The following UGT1A10 variants were observed in gnomAD, a reference collection of about 807,000 sequenced individuals.
UGT1A10 encodes the protein UDP-glucuronosyltransferase 1A10.
A neutral mutation model predicts 45.8 loss-of-function variants in UGT1A10; 49 were observed. That is an observed-to-expected ratio of 1.07 (90% CI 0.85 to 1.36). The LOEUF (loss-of-function observed/expected upper bound fraction) is 1.36, where lower values mean the gene tolerates loss of function less well. UGT1A10 is among the 40% of genes most tolerant of loss of function. The probability of loss-of-function intolerance (pLI) is 0.00; values close to 1 mark genes in which losing one functional copy is unlikely to be tolerated. For synonymous variants in UGT1A10, 284 were observed against 249.7 expected, an observed-to-expected ratio of 1.14 and a Z score of -1.29; for missense variants, 745 against 668.6, an observed-to-expected ratio of 1.11 and a Z score of -1.26.
At chr2:233,748,112 C>T in intron 1 of UGT1A10, 1 of 1,611,964 alleles carries the variant, frequency 6.2e-7, no homozygotes, top group South Asian at 1.1e-5. Flanking sequence ...AATCAATGTT[C>T]CAGGCAAAAC....
At chr2:233,671,462 A>G (rs1407223931) in intron 1 of UGT1A10, among the ~76,000 whole-genome samples, 1 of 152,214 alleles carries the variant, frequency 6.6e-6, no homozygotes, top group Admixed American at 6.5e-5. Flanking sequence ...TTAGGAGGTC[A>G]GTGCTAAGGG....
chr2:233,671,758 A>G, intron 1 of UGT1A10: 1 of 1,328,784 alleles, frequency 7.5e-7, no homozygotes, highest in African/African-American at 1.5e-5. Flanking sequence ...TCTCAGCAAA[A>G]GCTACTCATA....
intron 1 of UGT1A10, among the ~76,000 whole-genome samples, chr2:233,694,759 A>G (rs2075239293): frequency 1.3e-5 from 2 of 152,178 alleles, no homozygotes; most frequent in African/African-American, 4.8e-5. Context: ...AGCCACTGTG[A>G]AAAGGCAAGG....
At chr2:233,771,437 T>C (rs981684428) in intron 4 of UGT1A10, 1 of 152,226 alleles carries the variant, frequency 6.6e-6, no homozygotes, top group Non-Finnish European at 1.5e-5. Context: ...CATTTTGCAC[T>C]AAGTGGCTGC....
At chr2:233,664,920 T>A (rs925915272) in intron 1 of UGT1A10, among the ~76,000 whole-genome samples, 3 of 152,208 alleles carry the variant, frequency 2.0e-5, no homozygotes, top group African/African-American at 7.2e-5. Flanking sequence ...GTAGATCATA[T>A]CCAAGTTGCA....
chr2:233,750,449 A>G (rs1225472187), intron 1 of UGT1A10, among the ~76,000 whole-genome samples: 4 of 151,972 alleles, frequency 2.6e-5, no homozygotes, highest in South Asian at 4.1e-4. Context: ...AGAAATTCAA[A>G]CCAGCTACAG....
intron 1 of UGT1A10, among the ~76,000 whole-genome samples, chr2:233,653,254 A>G (rs1408572410): frequency 6.6e-6 from 1 of 152,232 alleles, no homozygotes; most frequent in African/African-American, 2.4e-5. Context: ...AAAACATATA[A>G]AAACACGACA....
At chr2:233,651,999 A>G (rs1402160818) in intron 1 of UGT1A10, among the ~76,000 whole-genome samples, 2 of 152,238 alleles carry the variant, frequency 1.3e-5, no homozygotes, top group African/African-American at 2.4e-5. Flanking sequence ...ATTAAGAAAA[A>G]AAAAAGGAAT....
Position 233,756,787 on chromosome 2 carries a change from G to A in UGT1A10, c.856-10247G>A, listed in dbSNP as rs1029492896. Among the ~76,000 whole-genome samples the A allele has an allele frequency of 9.9e-5, 15 of 151,900 alleles. No individual in the cohort carries two copies. The East Asian group carries it at 1.2e-3, about 12-fold the overall frequency. On this transcript the variant is annotated intron_variant, in intron 1 of 4. Coordinates refer to ENST00000344644, the MANE Select transcript of UGT1A10 (RefSeq NM_019075.4). ...GGATTCTTTGCTTTGATAAATTGTG[G>A]GGCAATACACTAGTAAAGGTCACTC... is the stretch of plus-strand genomic sequence containing the variant.
At chr2:233,719,030 A>G (rs1559364102) in intron 1 of UGT1A10, 1 of 1,614,246 alleles carries the variant, frequency 6.2e-7, no homozygotes, top group Non-Finnish European at 8.5e-7. Flanking sequence ...TGCACATCAA[A>G]GAAGAGAAAT....
chr2:233,682,875 T>A, intron 1 of UGT1A10: 2 of 1,520,762 alleles, frequency 1.3e-6, no homozygotes, highest in Non-Finnish European at 1.8e-6. Context: ...AATTTATCAT[T>A]TACATTTGTC....
At chr2:233,682,090 G>A (rs777861201) in intron 1 of UGT1A10, 7 of 1,614,076 alleles carry the variant, frequency 4.3e-6, no homozygotes, top group Non-Finnish European at 5.9e-6. Flanking sequence ...TCATCCTCAG[G>A]GGGCATGAGG....
At chr2:233,656,756 G>T (rs1221561443) in intron 1 of UGT1A10, among the ~76,000 whole-genome samples, 2 of 152,120 alleles carry the variant, frequency 1.3e-5, no homozygotes, top group Non-Finnish European at 2.9e-5. Flanking sequence ...ACTCAGTTTT[G>T]AAGGTTTCTT....
chr2:233,729,363 C>G (rs747061628), intron 1 of UGT1A10: 9 of 1,614,038 alleles, frequency 5.6e-6, no homozygotes, highest in Non-Finnish European at 5.9e-6. Flanking sequence ...CCCTGACAAC[C>G]TATGCCATTT....
chr2:233,653,752 A>G (rs1368375987), intron 1 of UGT1A10, among the ~76,000 whole-genome samples: 1 of 152,134 alleles, frequency 6.6e-6, no homozygotes, highest in Non-Finnish European at 1.5e-5. Flanking sequence ...GCCCACCACC[A>G]CAGTCAGCAA....
intron 1 of UGT1A10, among the ~76,000 whole-genome samples, chr2:233,667,661 C>T (rs2074105882): frequency 6.6e-6 from 1 of 152,172 alleles, no homozygotes; most frequent in Non-Finnish European, 1.5e-5. Context: ...CCAGAATCTA[C>T]AATGAACTCA....
chr2:233,713,977 CATT>C (rs2076359856), intron 1 of UGT1A10: 15 of 1,595,186 alleles, frequency 9.4e-6, no homozygotes, highest in African/African-American at 5.4e-5. Context: ...TTCTGCTTCT[CATT>C]GTTGTAATAG....
At position 233,729,868 on chromosome 2, in the gene UGT1A10, A is replaced by C. The variant is rs754430297; in HGVS notation, c.856-37166A>C. On this transcript the variant is annotated intron_variant, in intron 1 of 4. Coordinates refer to ENST00000344644, the MANE Select transcript of UGT1A10 (RefSeq NM_019075.4). ...TCAGAGAGAGGTGTCAGTGGTGGAT[A>C]TTCTCAGTCATGCATCTGTGTGGCT... is the stretch of plus-strand genomic sequence containing the variant. The C allele has an allele frequency of 2.6e-5, 42 of 1,613,556 alleles. No individual in the cohort carries two copies. The highest frequency in any genetic ancestry group is 8.3e-5 in the Admixed American group (5 of 59,972).
At chr2:233,672,802 T>C in intron 1 of UGT1A10, 1 of 1,611,824 alleles carries the variant, frequency 6.2e-7, no homozygotes, top group Non-Finnish European at 8.5e-7. Context: ...AAGTTATCTC[T>C]CCTTTAGCAC....
Sources: gnomAD v4.1 joint callset for allele counts (sites outside exome capture counted in the v4.1 genomes callset) on GRCh38, gnomAD v4.1.1 for gene constraint, MANE v1.5 for transcripts, NCBI Gene and HGNC (gene_info 2026-07-23, HGNC 2026-07-21) for gene names.